The following HEATR5A variants were observed in gnomAD, a reference collection of about 807,000 sequenced individuals.
HEATR5A encodes the protein HEAT repeat-containing protein 5A.
A neutral mutation model predicts 218.8 loss-of-function variants in HEATR5A; 178 were observed. That is an observed-to-expected ratio of 0.81 (90% CI 0.72 to 0.92). The LOEUF is 0.92. HEATR5A is among the 40% of genes least tolerant of loss of function. The pLI, the probability that HEATR5A is intolerant of heterozygous loss-of-function variation, is 0.00. For synonymous variants in HEATR5A, 864 were observed against 871.6 expected (o/e 0.99, Z 0.15); for missense variants, 2,420 against 2,418.9 (o/e 1.00, Z -0.01).
intron 6 of HEATR5A, 34 bp downstream of exon 6, chr14:31,394,018 A>G: frequency 7.2e-7 from 1 of 1,379,620 alleles, no homozygotes; most frequent in Non-Finnish European, 9.7e-7. Context: ...AAAAAATTAC[A>G]GAAGAGACTT....
At chr14:31,299,892 C>T (rs1307131220) in intron 33 of HEATR5A, among the ~76,000 whole-genome samples, 1 of 151,588 alleles carries the variant, frequency 6.6e-6, no homozygotes, top group African/African-American at 2.4e-5. Flanking sequence ...AAAAATTAGC[C>T]AGGCCTGGTG....
At chr14:31,369,230 C>G (rs1901925554) in intron 13 of HEATR5A, among the ~76,000 whole-genome samples, 1 of 151,884 alleles carries the variant, frequency 6.6e-6, no homozygotes. Flanking sequence ...CTGGGAGGAT[C>G]ACTTAAGCCT....
At chr14:31,312,005 G>A (rs547797207) in intron 28 of HEATR5A, among the ~76,000 whole-genome samples, 7 of 152,310 alleles carry the variant, frequency 4.6e-5, no homozygotes, top group African/African-American at 1.7e-4. Flanking sequence ...CAGTGGTGGA[G>A]CATGTGGGAC....
chr14:31,393,658 AT>A (rs11364724), intron 6 of HEATR5A, among the ~76,000 whole-genome samples: 138,972 of 150,068 alleles, frequency 0.93, 64,892 homozygotes, highest in Non-Finnish European at 1. Context: ...ATTGAAATTG[AT>A]TTTTTTTTTT....
At chr14:31,351,250 C>T (rs1901217304) in intron 16 of HEATR5A, among the ~76,000 whole-genome samples, 1 of 152,184 alleles carries the variant, frequency 6.6e-6, no homozygotes, top group African/African-American at 2.4e-5. Context: ...CATAGCCTCA[C>T]AGAATTCAAG....
In HEATR5A at chr14:31,297,483, T is replaced by TAAACAAACAAAC. The variant is rs58946487; in HGVS notation, c.5465-1432_5465-1421dup. 2.3e-3 allele frequency: 354 copies of TAAACAAACAAAC among 152,332 alleles called. 10 individuals carry two copies. Among genetic ancestry groups the TAAACAAACAAAC allele is most frequent in the Middle Eastern group, 0.014 (4 of 296 alleles). 9.4% of individuals were successfully genotyped at this position (152,332 alleles called of 1,614,324 possible). A position where few individuals can be genotyped will look rare whatever the true frequency, so the allele number is the denominator to read the frequency against. ...GTAACACAGCAAGTCCCTGTCTCTT[T>TAAACAAACAAAC]AAACAAACAAACAAACAAACAAACA... On this transcript the variant is annotated intron_variant, in intron 33 of 35. Coordinates refer to ENST00000543095, the MANE Select transcript of HEATR5A (RefSeq NM_015473.4).
chr14:31,388,833 T>C lies in HEATR5A; in HGVS notation c.933+12A>G. ...TAAGAGTTAGACTGAGATACTGATT[T>C]GTGATTCCAACCTGAGTAACTCCAA... On this transcript the variant is annotated intron_variant, in intron 7 of 35. Transcript: ENST00000543095. 6.2e-7 allele frequency: 1 copy of C among 1,611,332 alleles called. No individual in the cohort carries two copies.
chr14:31,386,975 A>G (rs1281045166), intron 8 of HEATR5A, 145 bp downstream of exon 8: 1 of 745,644 alleles, frequency 1.3e-6, no homozygotes, highest in East Asian at 2.6e-5. Flanking sequence ...CTTAAATTCT[A>G]TAGGAAGTAC....
At chr14:31,398,863 T>C (rs1192069794) in intron 3 of HEATR5A, 82 bp from the exon 4 acceptor site, 2 of 732,772 alleles carry the variant, frequency 2.7e-6, no homozygotes, top group Non-Finnish European at 4.6e-6. Flanking sequence ...AGGATAACTG[T>C]TGAAAAATAT....
In HEATR5A at chr14:31,295,878, T is replaced by C. The variant is rs1445368128; in HGVS notation, c.5619+31A>G. The C allele has an allele frequency of 2.5e-6, 4 of 1,598,914 alleles. No homozygotes were observed. The South Asian group carries it at 3.3e-5, about 13-fold the overall frequency. On this transcript the variant is annotated intron_variant, in intron 34 of 35. Coordinates refer to ENST00000543095, the MANE Select transcript of HEATR5A (RefSeq NM_015473.4). ...TCTAAAGGCCTAGCCATTGTCCTAT[T>C]ACATACATCTTTCTGCTAAAAGACA...
intron 21 of HEATR5A, among the ~76,000 whole-genome samples, chr14:31,341,629 G>T (rs997057613): frequency 2.0e-5 from 3 of 152,004 alleles, no homozygotes; most frequent in African/African-American, 4.8e-5. Context: ...GAACTCCTGG[G>T]CTCAAATGAT....
At chr14:31,344,525 C>T (rs963855044) in intron 20 of HEATR5A, among the ~76,000 whole-genome samples, 5 of 152,000 alleles carry the variant, frequency 3.3e-5, no homozygotes, top group Admixed American at 2.6e-4. Flanking sequence ...TTCAGTGATC[C>T]ACCTGCCTCA....
chr14:31,393,248 G>T (rs147411064), intron 6 of HEATR5A, among the ~76,000 whole-genome samples: 1 of 152,184 alleles, frequency 6.6e-6, no homozygotes, highest in Non-Finnish European at 1.5e-5. Flanking sequence ...GGTGGCTCAC[G>T]CCTGTAATCC....
rs2139286228 is a variant in HEATR5A, at chr14:31,388,956, T to A, written c.822A>T (p.Glu274Asp). 6.2e-7 allele frequency: 1 copy of A among 1,613,762 alleles called. No homozygotes were observed. The highest frequency in any genetic ancestry group is 2.2e-5 in the East Asian group (1 of 44,878). ...IRRVSLEEVL[E>D]LLGTGFLRGS... ...CACGTAGAAACCCTGTTCCTAGTAA[T>A]TCCAGAACTTCCTCCAAAGATACTC... Residue 274 changes from glutamate (E) to aspartate (D), a missense_variant, in exon 7 of 36, where the codon GAA becomes GAT. Coordinates refer to ENST00000543095, the MANE Select transcript of HEATR5A (RefSeq NM_015473.4).
At chr14:31,380,211 G>A (rs1203248162) in intron 11 of HEATR5A, among the ~76,000 whole-genome samples, 2 of 152,162 alleles carry the variant, frequency 1.3e-5, no homozygotes, top group African/African-American at 4.8e-5. Context: ...CCTGAAAGAT[G>A]ATTAGTAACT....
chr14:31,379,393 G>A (rs1321904263), intron 11 of HEATR5A, among the ~76,000 whole-genome samples: 1 of 151,936 alleles, frequency 6.6e-6, no homozygotes, highest in Admixed American at 6.6e-5. Context: ...TGGGACTACA[G>A]GCATGCACCA....
chr14:31,335,795 A>C (rs1024962421), intron 22 of HEATR5A, among the ~76,000 whole-genome samples: 1 of 152,102 alleles, frequency 6.6e-6, no homozygotes, highest in Non-Finnish European at 1.5e-5. Flanking sequence ...CTGGGACTAC[A>C]GGCGCATGCC....
intron 4 of HEATR5A, among the ~76,000 whole-genome samples, chr14:31,396,369 C>T (rs1318031742): frequency 6.6e-6 from 1 of 151,386 alleles, no homozygotes; most frequent in African/African-American, 2.4e-5. Flanking sequence ...AGGGTACAAT[C>T]GGAGGCAGAG....
At chr14:31,322,401 C>G (rs544047424) in intron 24 of HEATR5A, among the ~76,000 whole-genome samples, 1 of 152,264 alleles carries the variant, frequency 6.6e-6, no homozygotes, top group Admixed American at 6.5e-5. Flanking sequence ...TCACAAGAGA[C>G]TCAATAAATG....
Sources: gnomAD v4.1 joint callset for allele counts (sites outside exome capture counted in the v4.1 genomes callset) on GRCh38, gnomAD v4.1.1 for gene constraint, MANE v1.5 for transcripts, NCBI Gene and HGNC (gene_info 2026-07-23, HGNC 2026-07-21) for gene names.